The following DNAH5 variants were observed in gnomAD, a reference collection of about 807,000 sequenced individuals.
DNAH5 encodes the protein dynein axonemal heavy chain 5.
DNAH5 carries 372 observed loss-of-function variants against 518.2 expected under a neutral mutation model. That is an observed-to-expected ratio of 0.72 (90% confidence interval 0.66 to 0.78). The LOEUF is 0.78. Ranked by LOEUF, DNAH5 falls within the 30% of genes least tolerant of loss-of-function variation. DNAH5 has a pLI of 0.00. For synonymous variants in DNAH5, 2,039 were observed against 2,025.9 expected (o/e 1.01, Z -0.17); for missense variants, 5,523 against 5,687.0 (o/e 0.97, Z 0.93).
intron 46 of DNAH5, among the ~76,000 whole-genome samples, chr5:13,808,543 C>A (rs763392463): frequency 6.6e-6 from 1 of 152,200 alleles, no homozygotes. Flanking sequence ...GAAATAATTA[C>A]TGACTTATGA....
chr5:13,730,441 T>C (rs1246088210), intron 68 of DNAH5, among the ~76,000 whole-genome samples: 7 of 151,980 alleles, frequency 4.6e-5, no homozygotes, highest in Non-Finnish European at 7.4e-5. Context: ...TCTTTCTTTC[T>C]TTCTTTCTTT....
chr5:13,782,280 A>T (rs1326974032), intron 52 of DNAH5, among the ~76,000 whole-genome samples: 1 of 152,226 alleles, frequency 6.6e-6, no homozygotes, highest in Non-Finnish European at 1.5e-5. Context: ...ATCCTTTCTC[A>T]GAATTCCCTC....
chr5:13,969,232 T>C (rs549399519), intron 1 of DNAH5, among the ~76,000 whole-genome samples: 1 of 152,318 alleles, frequency 6.6e-6, no homozygotes, highest in South Asian at 2.1e-4. Flanking sequence ...ATCTCACTAA[T>C]GGTTTATCAA....
In DNAH5 at chr5:13,766,198, G is replaced by C. The variant is rs1752498960; in HGVS notation, c.9898-19C>G. 1 of 1,613,018 alleles carries C rather than the reference G, an allele frequency of 6.2e-7. No homozygotes were observed. Among genetic ancestry groups the C allele is most frequent in the Non-Finnish European group, 8.5e-7 (1 of 1,179,050 alleles). On this transcript the variant is annotated intron_variant, in intron 58 of 78. Transcript: ENST00000265104. The stretch of plus-strand genomic sequence containing the variant: ...TGATGGTCTGGGGGATGAAAGGAAC[G>C]ATCACCCAACCACAGATAGGAAAGC...
chr5:13,871,845 T>A, intron 22 of DNAH5, 80 bp from the exon 23 acceptor site: 2 of 1,229,396 alleles, frequency 1.6e-6, no homozygotes, highest in Non-Finnish European at 2.4e-6. Flanking sequence ...TACCAACTGC[T>A]GGTGGTTCCT....
chr5:13,753,471 T>A lies in DNAH5; in HGVS notation c.10634A>T (p.Asp3545Val). Reference sequence around the variant, plus strand: ...CCGGGCTTTCATTTCCTTCCGCCAGTCATTTAACAGAAGATCACGAAACTC... The same window carrying A: ...CCGGGCTTTCATTTCCTTCCGCCAGACATTTAACAGAAGATCACGAAACTC... ...NQEFRDLLLN[D>V]WRKEMKARKI... is the part of the protein sequence containing the mutation. Residue 3545 changes from aspartate to valine, a missense_variant, in exon 63 of 79, where the codon GAC becomes GTC. Asp to Val is a radical substitution (Grantham distance 152). Around this residue, in one of 3 missense-constraint regions of DNAH5, gnomAD observed 5,121 missense variants for 5,223.3 expected, o/e 0.98. Coordinates refer to ENST00000265104, the MANE Select transcript of DNAH5 (RefSeq NM_001369.3). 1.2e-6 allele frequency: 2 copies of A among 1,614,118 alleles called. No homozygotes were observed. Among genetic ancestry groups the A allele is most frequent in the Non-Finnish European group, 1.7e-6 (2 of 1,179,960 alleles).
chr5:13,766,889 T>G (rs762926383), intron 58 of DNAH5, among the ~76,000 whole-genome samples: 5 of 152,210 alleles, frequency 3.3e-5, no homozygotes, highest in Non-Finnish European at 5.9e-5. Flanking sequence ...ATGTAAGAAT[T>G]GGAAACAATC....
At chr5:13,926,846 T>C (rs1248205050) in intron 3 of DNAH5, among the ~76,000 whole-genome samples, 1 of 152,250 alleles carries the variant, frequency 6.6e-6, no homozygotes, top group Non-Finnish European at 1.5e-5. Context: ...TTTGAGCTTA[T>C]GTTTTGCAAT....
At chr5:13,790,778 A>T (rs12655376) in intron 50 of DNAH5, among the ~76,000 whole-genome samples, 28,496 of 152,128 alleles carry the variant, frequency 0.19, 2,824 homozygotes, top group East Asian at 0.44. Context: ...TCTTTTCTTA[A>T]TAAATTACCC....
Position 13,735,041 on chromosome 5 carries a change from T to C in DNAH5, c.11761+90A>G, listed in dbSNP as rs1361425174. The C allele has an allele frequency of 3.3e-6, 4 of 1,228,318 alleles. No individual in the cohort carries two copies. In the Admixed American group the frequency reaches 5.2e-5, roughly 16 times the overall value. 76.1% of individuals were successfully genotyped at this position (1,228,318 alleles called of 1,614,324 possible). A position where few individuals can be genotyped will look rare whatever the true frequency, so the allele number is the denominator to read the frequency against. On this transcript the variant is annotated intron_variant, in intron 68 of 78. Coordinates refer to ENST00000265104, the MANE Select transcript of DNAH5 (RefSeq NM_001369.3). ...TGCAGTCTTACATAATGCAAGGCAA[T>C]TGTTATAACCAAAAAATGTACTGCA...
chr5:13,707,148 A>G lies in DNAH5; in HGVS notation c.13338+975T>C, dbSNP rs1030849455. Among the ~76,000 whole-genome samples the G allele has an allele frequency of 5.9e-5, 9 of 152,226 alleles. No individual in the cohort carries two copies. Among genetic ancestry groups the G allele is most frequent in the African/African-American group, 2.2e-4 (9 of 41,460 alleles). ...ACACCAGCATATACTGGCAGGACCA[A>G]CAGACACCGCTGACAGCGGGACGAC... On this transcript the variant is annotated intron_variant, in intron 76 of 78. Transcript: ENST00000265104. The surrounding 1 kb of genome is among the most constrained non-coding windows in gnomAD (Gnocchi z 4.0).
At chr5:13,764,623 A>T (rs1752256217) in intron 59 of DNAH5, among the ~76,000 whole-genome samples, 1 of 152,220 alleles carries the variant, frequency 6.6e-6, no homozygotes, top group Non-Finnish European at 1.5e-5. Flanking sequence ...TCAGTTTTGA[A>T]AACTCTTCAG....
At chr5:13,764,575 C>A (rs1256946304) in intron 59 of DNAH5, among the ~76,000 whole-genome samples, 2 of 152,142 alleles carry the variant, frequency 1.3e-5, no homozygotes, top group East Asian at 3.8e-4. Flanking sequence ...AGATGTTGAG[C>A]AACTTATACA....
intron 1 of DNAH5, among the ~76,000 whole-genome samples, chr5:14,005,135 C>G (rs868672487): frequency 6.6e-6 from 1 of 152,178 alleles, no homozygotes; most frequent in African/African-American, 2.4e-5. Flanking sequence ...CTCAGTCCCC[C>G]ACCAGTGGCA....
intron 65 of DNAH5, among the ~76,000 whole-genome samples, chr5:13,746,515 A>G (rs1827408): frequency 0.72 from 109,771 of 151,984 alleles, 39,803 homozygotes; most frequent in African/African-American, 0.78. Context: ...TTAGTAAGAG[A>G]AGTCAGAATT....
rs1396082820 is a variant in DNAH5, at chr5:13,886,069, C to A, written c.2638G>T (p.Val880Phe). 1.9e-6 allele frequency: 3 copies of A among 1,610,190 alleles called. No homozygotes were observed. In the South Asian group the frequency reaches 3.3e-5, roughly 18 times the overall value. Reference protein sequence around the residue: ...HFKSSLVEEAVNELVNMLLDV... With the variant: ...HFKSSLVEEAFNELVNMLLDV... ...AGCAACATATTTACAAGCTCATTGA[C>A]TGCCTCCTCCACTAATGAGCTTTTA... is the stretch of plus-strand genomic sequence containing the variant. The change falls in exon 18 of 79, where the codon GTC becomes TTC. Residue 880 changes from valine to phenylalanine, a missense_variant. Val to Phe is a conservative substitution (Grantham distance 50). This residue lies in a region of DNAH5 where 5,121 missense variants were observed against 5,223.3 expected (regional missense o/e 0.98). Transcript: ENST00000265104.
intron 1 of DNAH5, among the ~76,000 whole-genome samples, chr5:13,985,094 A>G (rs945141299): frequency 6.6e-6 from 1 of 152,208 alleles, no homozygotes; most frequent in Non-Finnish European, 1.5e-5. Flanking sequence ...AATACTATGC[A>G]GCCATAAAAA....
At chr5:13,836,251 C>A (rs1035771124) in intron 35 of DNAH5, among the ~76,000 whole-genome samples, 5 of 152,184 alleles carry the variant, frequency 3.3e-5, no homozygotes, top group South Asian at 2.1e-4. Context: ...AAGCAACCAA[C>A]AGACATGTCA....
intron 1 of DNAH5, among the ~76,000 whole-genome samples, chr5:13,985,430 AATATAT>A (rs145568740): frequency 0.027 from 3,384 of 127,250 alleles, 107 homozygotes; most frequent in East Asian, 0.063. Context: ...AGTATAATAA[AATATAT>A]ATATATATAT....
Sources: gnomAD v4.1 joint callset for allele counts (sites outside exome capture counted in the v4.1 genomes callset) on GRCh38, gnomAD v4.1.1 for gene constraint, gnomAD v4.1.1 regional missense constraint, Gnocchi (gnomAD v3.1) non-coding constraint, MANE v1.5 for transcripts, NCBI Gene and HGNC (gene_info 2026-07-23, HGNC 2026-07-21) for gene names.